Variants in DNAAF11 observed in about 807,000 individuals in gnomAD.
DNAAF11 encodes the protein dynein axonemal assembly factor 11, also known as leucine rich repeat containing 6.
In DNAAF11, 45 loss-of-function variants were observed where a neutral mutation model predicts 60.8. The observed-to-expected ratio is 0.74, with a 90% confidence interval of 0.58 to 0.95. DNAAF11 has a LOEUF of 0.95. Among genes scored for constraint, DNAAF11 ranks in the 40% least tolerant of loss-of-function variants. DNAAF11 has a pLI of 0.00. For synonymous variants in DNAAF11, 191 were observed against 183.5 expected (o/e 1.04, Z -0.33); for missense variants, 546 against 546.2 (o/e 1.00, Z 0.00).
Position 132,610,230 on chromosome 8 carries a change from T to G in DNAAF11, c.1076A>C (p.Lys359Thr), listed in dbSNP as rs748924327. Residue 359 changes from lysine to threonine, a missense_variant, in exon 10 of 12, where the codon AAA becomes ACA. Transcript: ENST00000620350. The part of the protein sequence containing the change: ...PFQLVLPAEV[K>T]PDSSSAKRSQ... ...TCTTTTAGCAGAACTACTATCGGGTTTCACTTCTGCAGGAAGGACAAGCTG... is the reference window on the plus strand; with the variant it reads ...TCTTTTAGCAGAACTACTATCGGGTGTCACTTCTGCAGGAAGGACAAGCTG... 1.2e-5 allele frequency: 19 copies of G among 1,613,766 alleles called. No homozygotes were observed. The highest frequency in any genetic ancestry group is 1.6e-5 in the Non-Finnish European group (19 of 1,179,884).
chr8:132,632,450 CA>C (rs1414627589), intron 5 of DNAAF11, among the ~76,000 whole-genome samples: 4 of 152,256 alleles, frequency 2.6e-5, no homozygotes, highest in African/African-American at 9.6e-5. Flanking sequence ...AATCAAAGTA[CA>C]CCTGTTAATT....
At chr8:132,674,186 G>GAA in intron 1 of DNAAF11, among the ~76,000 whole-genome samples, 2 of 147,554 alleles carry the variant, frequency 1.4e-5, no homozygotes, top group Non-Finnish European at 1.5e-5. Flanking sequence ...AGGAGAAGGA[G>GAA]GAGGAGGAGA....
At chr8:132,687,604 T>A in the DNAAF11 span, 1 of 456,216 alleles carries the variant, frequency 2.2e-6, no homozygotes, top group East Asian at 6.9e-5. Flanking sequence ...GCAAGCTTCC[T>A]GTGCATTCTC....
At chr8:132,694,315 A>C in the DNAAF11 span, among the ~76,000 whole-genome samples, 2 of 152,176 alleles carry the variant, frequency 1.3e-5, no homozygotes, top group Non-Finnish European at 2.9e-5. Flanking sequence ...TTAAGGTAAG[A>C]TCATCAGTGT....
At chr8:132,694,647 T>G in the DNAAF11 span, among the ~76,000 whole-genome samples, 1 of 152,326 alleles carries the variant, frequency 6.6e-6, no homozygotes, top group African/African-American at 2.4e-5. Flanking sequence ...TTAACTAAGA[T>G]AGTGAAGACA....
At chr8:132,662,713 A>G (rs1281030075) in intron 1 of DNAAF11, among the ~76,000 whole-genome samples, 1 of 152,162 alleles carries the variant, frequency 6.6e-6, no homozygotes, top group Non-Finnish European at 1.5e-5. Flanking sequence ...TTTTAAATTC[A>G]TGGTTTAGTG....
the DNAAF11 span, among the ~76,000 whole-genome samples, chr8:132,682,066 G>A: frequency 2.0e-5 from 3 of 152,294 alleles, no homozygotes; most frequent in African/African-American, 7.2e-5. Flanking sequence ...TTTAAAACAT[G>A]ACAACAAATT....
chr8:132,578,604 A>C (rs1261458538), intron 11 of DNAAF11: 4 of 718,254 alleles, frequency 5.6e-6, no homozygotes, highest in Non-Finnish European at 9.2e-6. Flanking sequence ...TGCAAAACAC[A>C]TCAGAGATTC....
At chr8:132,668,564 C>T (rs1009375776) in intron 1 of DNAAF11, among the ~76,000 whole-genome samples, 1 of 152,036 alleles carries the variant, frequency 6.6e-6, no homozygotes, top group Non-Finnish European at 1.5e-5. Context: ...TCAGACTCCC[C>T]AGTAGCTGGG....
chr8:132,685,947 G>C, the DNAAF11 span, among the ~76,000 whole-genome samples: 2 of 152,170 alleles, frequency 1.3e-5, no homozygotes, highest in East Asian at 3.9e-4. Flanking sequence ...CTGGGGGCTG[G>C]GAATAAAGTG....
the DNAAF11 span, among the ~76,000 whole-genome samples, chr8:132,685,423 T>C: frequency 6.6e-6 from 1 of 152,212 alleles, no homozygotes; most frequent in African/African-American, 2.4e-5. Flanking sequence ...ATTTTGCTAA[T>C]GATAATGAGT....
In DNAAF11 at chr8:132,632,745, A is replaced by G. The variant is rs1377382116; in HGVS notation, c.648T>C (p.Ala216=). 1 of 1,600,972 alleles carries G rather than the reference A, an allele frequency of 6.2e-7. No homozygotes were observed. Among genetic ancestry groups the G allele is most frequent in the African/African-American group, 1.3e-5 (1 of 74,648 alleles). ...TAAACTAATAATTTACATACAGAGT[A>G]GCATTGATGTCTGTGTACCAACGTC... ...FDGRWYTDIN[A]TLSSLESKDH... Residue 216 remains alanine (A), a synonymous_variant, in exon 5 of 12, where the codon GCT becomes GCC. Transcript: ENST00000620350.
At chr8:132,656,765 C>G in intron 3 of DNAAF11, 65 bp downstream of exon 3, 1 of 733,370 alleles carries the variant, frequency 1.4e-6, no homozygotes, top group South Asian at 1.6e-5. Flanking sequence ...AGCCACTGCA[C>G]CTGGCCTTCT....
chr8:132,661,392 C>T, intron 2 of DNAAF11, 68 bp downstream of exon 2: 2 of 1,280,032 alleles, frequency 1.6e-6, no homozygotes, highest in South Asian at 1.5e-5. Flanking sequence ...AAAAATAACA[C>T]AGCACTTTCC....
Position 132,675,158 on chromosome 8 carries a change from G to C in DNAAF11, c.10+326C>G, listed in dbSNP as rs10099950. On this transcript the variant is annotated intron_variant, in intron 1 of 11. Transcript: ENST00000620350. Reference sequence around the variant, plus strand: ...CAGTAAGGAGCCACTTGGCCGGAACGTGGTGTGTCTGGCGCCAAAACCCCT... The same window carrying C: ...CAGTAAGGAGCCACTTGGCCGGAACCTGGTGTGTCTGGCGCCAAAACCCCT... 0.081 allele frequency: 28,575 copies of C among 350,758 alleles called. 1,648 individuals carry two copies. The highest frequency in any genetic ancestry group is 0.19 in the African/African-American group (8,860 of 47,542). The allele number at this position is 350,758 out of a possible 1,614,324, so 21.7% of individuals were successfully genotyped here.
intron 2 of DNAAF11, among the ~76,000 whole-genome samples, chr8:132,659,641 A>G (rs1335771959): frequency 6.6e-6 from 1 of 152,214 alleles, no homozygotes; most frequent in Non-Finnish European, 1.5e-5. Context: ...CAAGTTAAAG[A>G]TGCCAAAAAT....
rs199646362 is a variant in DNAAF11, at chr8:132,618,047, C to T, written c.915-2950G>A. ...CATCACACTACCTGACTTCAAACTA[C>T]ACTACAAGGCTACAGTAACCAAAAC... On this transcript the variant is annotated intron_variant, in intron 7 of 11. Transcript: ENST00000620350. Among the ~76,000 whole-genome samples the T allele has an allele frequency of 2.7e-4, 40 of 145,556 alleles. No homozygotes were observed. The South Asian group carries it at 4.7e-3, about 17-fold the overall frequency.
intron 3 of DNAAF11, among the ~76,000 whole-genome samples, chr8:132,639,051 C>T (rs1249538495): frequency 6.6e-6 from 1 of 152,110 alleles, no homozygotes; most frequent in South Asian, 2.1e-4. Context: ...TCATGTAAAG[C>T]GCTTAGCATA....
intron 11 of DNAAF11, among the ~76,000 whole-genome samples, chr8:132,575,342 C>T (rs1017439084): frequency 1.3e-5 from 2 of 152,194 alleles, no homozygotes; most frequent in African/African-American, 4.8e-5. Context: ...CCGTAAGTGT[C>T]AGTGCCATGT....
Sources: gnomAD v4.1 joint callset for allele counts (sites outside exome capture counted in the v4.1 genomes callset) on GRCh38, gnomAD v4.1.1 for gene constraint, MANE v1.5 for transcripts, NCBI Gene and HGNC (gene_info 2026-07-23, HGNC 2026-07-21) for gene names.